ZSCAN9: variants seen among roughly 807,000 people sequenced by gnomAD.
ZSCAN9 encodes the protein zinc finger and SCAN domain containing 9.
Under a neutral mutation model 23.0 loss-of-function variants are expected in ZSCAN9, and 19 were observed. That is an observed-to-expected ratio of 0.83 (90% confidence interval 0.58 to 1.21). ZSCAN9 has a LOEUF of 1.21. ZSCAN9 is among the 50% of genes most tolerant of loss of function. ZSCAN9 has a pLI of 0.00. For missense variants in ZSCAN9, 467 were observed against 471.5 expected (o/e 0.99, Z 0.09); for synonymous variants, 155 against 164.8 (o/e 0.94, Z 0.46).
chr6:28,227,209 G>T lies in ZSCAN9; in HGVS notation c.125G>T (p.Arg42Leu). Residue 42 changes from arginine to leucine, a missense_variant, in exon 2 of 4, where the codon CGC becomes CTC. Physicochemically the swap from Arg to Leu is moderately radical, Grantham distance 102. Transcript: ENST00000252207. ...CAATGGCAGGAATCCAGACTGAAAC[G>T]CAGTAATCCACTGGCAAGGGAAATC... Reference protein sequence around the residue: ...HLQWQESRLKRSNPLAREIFR... With the variant: ...HLQWQESRLKLSNPLAREIFR... 4.3e-6 allele frequency: 7 copies of T among 1,614,222 alleles called. No individual in the cohort carries two copies. Among genetic ancestry groups the T allele is most frequent in the Non-Finnish European group, 5.9e-6 (7 of 1,180,034 alleles).
chr6:28,228,256 C>A (rs1057014858), intron 3 of ZSCAN9: 1 of 566,522 alleles, frequency 1.8e-6, no homozygotes, highest in African/African-American at 1.9e-5. Flanking sequence ...AGTCTACTTG[C>A]GCTGCCTTAA....
intron 3 of ZSCAN9, chr6:28,229,314 T>C (rs1180111882): frequency 1.3e-5 from 2 of 152,342 alleles, no homozygotes; most frequent in Non-Finnish European, 2.9e-5. Context: ...TTCCTCTCTC[T>C]ATGAACTTGG....
intron 3 of ZSCAN9, chr6:28,228,429 C>G: frequency 4.1e-6 from 1 of 244,168 alleles, no homozygotes; most frequent in Non-Finnish European, 7.8e-6. Flanking sequence ...GGCCTTTCTT[C>G]TGTATGCATA....
At chr6:28,229,790 T>A (rs995646160) in intron 3 of ZSCAN9, among the ~76,000 whole-genome samples, 19 of 152,166 alleles carry the variant, frequency 1.2e-4, no homozygotes, top group Non-Finnish European at 2.6e-4. Flanking sequence ...CTTGTCACTT[T>A]GCTGCATATT....
Position 28,227,412 on chromosome 6 carries a change from G to T in ZSCAN9, c.328G>T (p.Gly110Cys). The change falls in exon 2 of 4, where the codon GGC (glycine) becomes TGC (cysteine). Residue 110 changes from glycine to cysteine, a missense_variant. Gly to Cys is a radical substitution (Grantham distance 159, BLOSUM62 -3). Coordinates refer to ENST00000252207, the MANE Select transcript of ZSCAN9 (RefSeq NM_006299.5). The part of the protein sequence containing the change: ...FLSILPKELQ[G>C]WVREHCPESG... The stretch of plus-strand genomic sequence containing the variant: ...ATCCATTCTGCCCAAGGAGCTCCAG[G>T]GCTGGGTGAGGGAACACTGTCCAGA... 6.2e-7 allele frequency: 1 copy of T among 1,614,178 alleles called. No homozygotes were observed. The highest frequency in any genetic ancestry group is 8.5e-7 in the Non-Finnish European group (1 of 1,180,024).
chr6:28,227,607 C>G (rs1318082870), intron 2 of ZSCAN9, 83 bp from the exon 3 acceptor site: 2 of 1,574,608 alleles, frequency 1.3e-6, no homozygotes, highest in African/African-American at 1.4e-5. Flanking sequence ...AAAATACTCT[C>G]TTCCTGTTTC....
Position 28,232,860 on chromosome 6 carries a change from A to G in ZSCAN9, c.867A>G (p.Lys289=), listed in dbSNP as rs1295903158. The G allele has an allele frequency of 6.2e-7, 1 of 1,614,218 alleles. No homozygotes were observed. Among genetic ancestry groups the G allele is most frequent in the South Asian group, 1.1e-5 (1 of 91,090 alleles). Reference sequence around the variant, plus strand: ...CTTATGAATGTAATGAATGTGGGAAAGCCTTCAGTCGAAGTTCTGGTCTTT... The same window carrying G: ...CTTATGAATGTAATGAATGTGGGAAGGCCTTCAGTCGAAGTTCTGGTCTTT... ...ERPYECNECG[K]AFSRSSGLFN... Residue 289 remains lysine, a synonymous_variant, in exon 4 of 4, where the codon AAA becomes AAG. Coordinates refer to ENST00000252207, the MANE Select transcript of ZSCAN9 (RefSeq NM_006299.5).
chr6:28,231,917 T>C lies in ZSCAN9; in HGVS notation c.569-645T>C, dbSNP rs546657074. Among the ~76,000 whole-genome samples, 39 of 152,320 alleles carry C rather than the reference T, an allele frequency of 2.6e-4. No homozygotes were observed. In the East Asian group the frequency reaches 7.5e-3, roughly 29 times the overall value. On this transcript the variant is annotated intron_variant, in intron 3 of 3. Transcript: ENST00000252207. ...TTCTGAAAATGAATGAATGAATACA[T>C]GAAGTAACTTTCCTTGGAAAGGGTC...
intron 3 of ZSCAN9, among the ~76,000 whole-genome samples, chr6:28,230,117 G>A (rs368772887): frequency 1.2e-4 from 19 of 152,190 alleles, no homozygotes; most frequent in Middle Eastern, 3.4e-3. Flanking sequence ...TCGGCCTCCC[G>A]AAGTGCTGGG....
intron 3 of ZSCAN9, among the ~76,000 whole-genome samples, chr6:28,231,730 CAA>C (rs57266614): frequency 6.3e-4 from 60 of 95,320 alleles, no homozygotes; most frequent in Middle Eastern, 5.0e-3. Context: ...GACTCCGTCT[CAA>C]AAAAAAAAAA....
Position 28,227,724 on chromosome 6 carries a change from G to A in ZSCAN9, c.455G>A (p.Cys152Tyr), listed in dbSNP as rs749870540. 1.5e-4 allele frequency: 238 copies of A among 1,608,958 alleles called. 1 individual carries two copies. The highest frequency in any genetic ancestry group is 2.9e-4 in the Admixed American group (17 of 58,020). Residue 152 changes from cysteine (C) to tyrosine (Y), a missense_variant, in exon 3 of 4, where the codon TGT (cysteine) becomes TAT (tyrosine). Transcript: ENST00000252207. ...VAHRHRQEVL[C>Y]KEMVPLAEQT... ...CACAGACACAGACAAGAAGTCCTCT[G>A]TAAAGAGATGGTGCCTCTAGCAGAG...
At chr6:28,232,538 A>G in intron 3 of ZSCAN9, 24 bp from the exon 4 acceptor site, 1 of 1,594,284 alleles carries the variant, frequency 6.3e-7, no homozygotes, top group Non-Finnish European at 8.6e-7. Flanking sequence ...AGTGACATTT[A>G]CCTAGCCTTT....
chr6:28,232,424 G>C, intron 3 of ZSCAN9, 138 bp from the exon 4 acceptor site: 1 of 1,415,120 alleles, frequency 7.1e-7, no homozygotes, highest in Admixed American at 2.7e-5. Flanking sequence ...TCCTCCCTAC[G>C]TAGGGGAAAG....
chr6:28,230,151 C>T (rs551271508), intron 3 of ZSCAN9, among the ~76,000 whole-genome samples: 2 of 152,316 alleles, frequency 1.3e-5, no homozygotes, highest in Middle Eastern at 6.8e-3. Flanking sequence ...GTCACAGCGC[C>T]TGGCCCATAT....
At chr6:28,229,984 A>T (rs557909404) in intron 3 of ZSCAN9, among the ~76,000 whole-genome samples, 2 of 151,946 alleles carry the variant, frequency 1.3e-5, no homozygotes, top group African/African-American at 4.8e-5. Flanking sequence ...GAGCCTCCCA[A>T]GTAGCTGGGA....
At position 28,232,544 on chromosome 6, in the gene ZSCAN9, C is replaced by A; in HGVS notation, c.569-18C>A. 1 of 1,597,944 alleles carries A rather than the reference C, an allele frequency of 6.3e-7. No individual in the cohort carries two copies. Among genetic ancestry groups the A allele is most frequent in the Non-Finnish European group, 8.5e-7 (1 of 1,170,908 alleles). On this transcript the variant is annotated intron_variant, in intron 3 of 3. Coordinates refer to ENST00000252207, the MANE Select transcript of ZSCAN9 (RefSeq NM_006299.5). ...CAGGGAACAAGTGACATTTACCTAG[C>A]CTTTTTCTTTGTTTCAGATGAAGTA...
At chr6:28,230,003 A>G (rs1002449375) in intron 3 of ZSCAN9, among the ~76,000 whole-genome samples, 25 of 151,990 alleles carry the variant, frequency 1.6e-4, no homozygotes, top group African/African-American at 3.6e-4. Context: ...GACTACAGGC[A>G]CCCGCCACCA....
intron 3 of ZSCAN9, chr6:28,230,270 G>A: frequency 7.4e-7 from 1 of 1,358,240 alleles, no homozygotes; most frequent in Non-Finnish European, 9.8e-7. Flanking sequence ...TGTATAAATG[G>A]TAATCATTAA....
At position 28,226,992 on chromosome 6, in the gene ZSCAN9, A is replaced by C. The variant is rs548723178; in HGVS notation, c.-73-20A>C. The C allele has an allele frequency of 1.2e-5, 13 of 1,084,342 alleles. No homozygotes were observed. The African/African-American group carries it at 1.6e-4, about 13-fold the overall frequency. The allele number at this position is 1,084,342 out of a possible 1,614,324, so 67.2% of individuals were successfully genotyped here. On this transcript the variant is annotated intron_variant, in intron 1 of 3. Transcript: ENST00000252207. ...GCTATTATCATTTTTCTATATAAATAATTTATTTTTACTGCTTAGGCAAGC... is the reference window on the plus strand; with the variant it reads ...GCTATTATCATTTTTCTATATAAATCATTTATTTTTACTGCTTAGGCAAGC...
Sources: allele counts gnomAD v4.1 joint callset (sites outside exome capture counted in the v4.1 genomes callset), GRCh38; gene constraint gnomAD v4.1.1; transcripts MANE v1.5; gene names NCBI Gene and HGNC (gene_info 2026-07-23, HGNC 2026-07-21).